Variants in CADM1 observed in about 807,000 individuals in gnomAD.
CADM1 encodes the protein TSLC-1.
CADM1 carries 15 observed loss-of-function variants against 53.1 expected under a neutral mutation model. The ratio of observed to expected loss-of-function variants is 0.28; its 90% CI spans 0.19 to 0.44. The LOEUF is 0.44. Among genes scored for constraint, CADM1 ranks in the 20% least tolerant of loss-of-function variants. CADM1 has a pLI of 1.00. For missense variants in CADM1, 434 were observed against 611.3 expected (o/e 0.71, Z 3.06); for synonymous variants, 281 against 243.0 (o/e 1.16, Z -1.45).
chr11:115,231,724 C>T (rs1941820704), intron 3 of CADM1, among the ~76,000 whole-genome samples: 3 of 152,150 alleles, frequency 2.0e-5, no homozygotes, highest in Admixed American at 2.0e-4. Flanking sequence ...TGATGGCTCA[C>T]ATTTGTAATC....
At chr11:115,279,616 G>A (rs1398926006) in intron 1 of CADM1, among the ~76,000 whole-genome samples, 1 of 152,144 alleles carries the variant, frequency 6.6e-6, no homozygotes, top group Non-Finnish European at 1.5e-5. Flanking sequence ...AAACATTTAA[G>A]GGCTGGGGAA....
At chr11:115,366,809 C>A (rs1946174155) in intron 1 of CADM1, among the ~76,000 whole-genome samples, 2 of 151,568 alleles carry the variant, frequency 1.3e-5, no homozygotes, top group Non-Finnish European at 2.9e-5. Context: ...TAAGTCAACA[C>A]CAAAAAAAAA....
At chr11:115,499,860 T>C (rs932368325) in intron 1 of CADM1, among the ~76,000 whole-genome samples, 1 of 152,258 alleles carries the variant, frequency 6.6e-6, no homozygotes, top group Admixed American at 6.5e-5. Flanking sequence ...AAATGTTACA[T>C]TTTCTATTAC....
intron 1 of CADM1, among the ~76,000 whole-genome samples, chr11:115,340,660 T>TACATA (rs1414195587): frequency 4.6e-5 from 2 of 43,438 alleles, no homozygotes; most frequent in Non-Finnish European, 8.2e-5. Context: ...ATATATATAT[T>TACATA]TTTTTTTTTT....
chr11:115,356,462 AGCAC>A (rs1296555880), intron 1 of CADM1, among the ~76,000 whole-genome samples: 1 of 152,130 alleles, frequency 6.6e-6, no homozygotes, highest in African/African-American at 2.4e-5. Context: ...CTGGCCCTCC[AGCAC>A]CTGACACAGA....
At chr11:115,413,644 C>CTTTTTTTTTTT (rs71066424) in intron 1 of CADM1, among the ~76,000 whole-genome samples, 11 of 120,912 alleles carry the variant, frequency 9.1e-5, no homozygotes, top group African/African-American at 1.2e-4. Context: ...CAGCTCAGTT[C>CTTTTTTTTTTT]TTTTTTTTTT....
chr11:115,340,646 A>ATTTT (rs1565375107), intron 1 of CADM1, among the ~76,000 whole-genome samples: 1 of 34,608 alleles, frequency 2.9e-5, no homozygotes, highest in African/African-American at 1.1e-4. Context: ...ATATATATAT[A>ATTTT]TATATATATA....
chr11:115,202,140 C>T (rs939693474), intron 8 of CADM1, among the ~76,000 whole-genome samples: 1 of 151,490 alleles, frequency 6.6e-6, no homozygotes, highest in Non-Finnish European at 1.5e-5. Flanking sequence ...ATAAAAAAAG[C>T]TCTGACAATG....
intron 1 of CADM1, among the ~76,000 whole-genome samples, chr11:115,328,108 G>C (rs1945007412): frequency 6.6e-6 from 1 of 151,860 alleles, no homozygotes; most frequent in Non-Finnish European, 1.5e-5. Context: ...AATTTTCCTA[G>C]CTGCTTAATC....
chr11:115,499,409 G>C (rs1165155818), intron 1 of CADM1, among the ~76,000 whole-genome samples: 1 of 152,230 alleles, frequency 6.6e-6, no homozygotes, highest in Non-Finnish European at 1.5e-5. Context: ...ATAAATTCCA[G>C]AGGTTTCAGG....
intron 9 of CADM1, among the ~76,000 whole-genome samples, chr11:115,195,886 C>G (rs1940121393): frequency 6.6e-6 from 1 of 152,082 alleles, no homozygotes; most frequent in African/African-American, 2.4e-5. Context: ...GAAGATGCTA[C>G]GAGGATTTTG....
At chr11:115,338,898 T>A (rs1249791156) in intron 1 of CADM1, among the ~76,000 whole-genome samples, 2 of 148,500 alleles carry the variant, frequency 1.3e-5, no homozygotes, top group African/African-American at 4.9e-5. Context: ...TTTAATTTTT[T>A]TTTTTTTTTA....
At chr11:115,301,634 T>A (rs558352538) in intron 1 of CADM1, among the ~76,000 whole-genome samples, 1 of 152,188 alleles carries the variant, frequency 6.6e-6, no homozygotes, top group Non-Finnish European at 1.5e-5. Flanking sequence ...AGCAGTAATA[T>A]GATACAGTGC....
intron 1 of CADM1, among the ~76,000 whole-genome samples, chr11:115,393,671 A>G (rs1946906403): frequency 6.6e-6 from 1 of 152,056 alleles, no homozygotes. Context: ...TCATTCCAAA[A>G]TTATCTCATT....
intron 1 of CADM1, among the ~76,000 whole-genome samples, chr11:115,270,287 T>C (rs1943261121): frequency 6.6e-6 from 1 of 152,246 alleles, no homozygotes; most frequent in South Asian, 2.1e-4. Flanking sequence ...ACTGTCCTGA[T>C]TTATCCCTAT....
At chr11:115,428,801 G>A (rs1272682357) in intron 1 of CADM1, among the ~76,000 whole-genome samples, 4 of 151,980 alleles carry the variant, frequency 2.6e-5, no homozygotes, top group African/African-American at 4.8e-5. Context: ...GTGTGTGTAC[G>A]TGTGTGCGCA....
intron 1 of CADM1, among the ~76,000 whole-genome samples, chr11:115,335,642 T>C (rs1168845505): frequency 1.3e-5 from 2 of 152,138 alleles, no homozygotes; most frequent in Non-Finnish European, 2.9e-5. Flanking sequence ...CATTAGTCAA[T>C]CCTGCACTTT....
intron 1 of CADM1, among the ~76,000 whole-genome samples, chr11:115,301,460 A>G (rs986533785): frequency 1.1e-4 from 17 of 152,124 alleles, no homozygotes; most frequent in African/African-American, 2.9e-4. Context: ...AACAAAACAA[A>G]CAAATAAAAA....
chr11:115,269,748 A>G (rs1943246282), intron 1 of CADM1, among the ~76,000 whole-genome samples: 1 of 152,232 alleles, frequency 6.6e-6, no homozygotes, highest in African/African-American at 2.4e-5. Flanking sequence ...TGTGACTTAA[A>G]GCATCTGTCA....
Sources: allele counts gnomAD v4.1 joint callset (sites outside exome capture counted in the v4.1 genomes callset), GRCh38; gene constraint gnomAD v4.1.1; transcripts MANE v1.5; gene names NCBI Gene and HGNC (gene_info 2026-07-23, HGNC 2026-07-21).